UNC5C: variants seen among roughly 807,000 people sequenced by gnomAD.
The protein encoded by UNC5C is unc-5 netrin receptor C.
In UNC5C, 47 loss-of-function variants were observed where a neutral mutation model predicts 99.8. The observed-to-expected ratio is 0.47, with a 90% CI of 0.37 to 0.60. UNC5C has a LOEUF of 0.60. UNC5C is among the 20% of genes least tolerant of loss of function. The pLI is 0.00. For missense variants in UNC5C, 1,062 were observed against 1,165.9 expected, an observed-to-expected ratio of 0.91 and a Z score of 1.30; for synonymous variants, 487 against 452.2, an observed-to-expected ratio of 1.08 and a Z score of -0.98.
At position 95,208,354 on chromosome 4, in the gene UNC5C, C is replaced by T. The variant is rs372720817; in HGVS notation, c.1734-1558G>A. Among the ~76,000 whole-genome samples the T allele has an allele frequency of 1.2e-4, 19 of 152,288 alleles. No individual in the cohort carries two copies. The South Asian group carries it at 3.5e-3, about 28-fold the overall frequency. Reference sequence around the variant, plus strand: ...GAAGTTAAGAAATTTGTTAAACTAACCACTCTAAGTATTCCCAACATGAAA... The same window carrying T: ...GAAGTTAAGAAATTTGTTAAACTAATCACTCTAAGTATTCCCAACATGAAA... On this transcript the variant is annotated intron_variant, in intron 10 of 15. Transcript: ENST00000453304.
intron 3 of UNC5C, among the ~76,000 whole-genome samples, chr4:95,294,302 G>A (rs1438942649): frequency 1.3e-5 from 2 of 152,296 alleles, no homozygotes; most frequent in East Asian, 3.9e-4. Flanking sequence ...AAATCCACAG[G>A]TGGGTCACAA....
Position 95,438,743 on chromosome 4 carries a change from G to C in UNC5C, c.125-103112C>G, listed in dbSNP as rs552210827. Among the ~76,000 whole-genome samples the C allele has an allele frequency of 4.9e-4, 74 of 152,204 alleles. 2 individuals carry two copies. The highest frequency in any genetic ancestry group is 9.8e-4 in the Admixed American group (15 of 15,274). On this transcript the variant is annotated intron_variant, in intron 1 of 15. Transcript: ENST00000453304. ...TCCATTCTGCATCTGATGAATCTAA[G>C]CACACATTCTATGAAATGTACCAGA...
intron 1 of UNC5C, among the ~76,000 whole-genome samples, chr4:95,395,106 A>C (rs1745474590): frequency 6.6e-6 from 1 of 152,188 alleles, no homozygotes. Context: ...CATGGTGGGC[A>C]TGTCATTTTG....
At chr4:95,176,981 C>T (rs1191053076) in intron 14 of UNC5C, among the ~76,000 whole-genome samples, 1 of 151,738 alleles carries the variant, frequency 6.6e-6, no homozygotes, top group Non-Finnish European at 1.5e-5. Context: ...AAGCGCAGTA[C>T]TTGGGGGGGA....
intron 1 of UNC5C, among the ~76,000 whole-genome samples, chr4:95,339,488 A>G (rs1309858979): frequency 2.8e-5 from 2 of 70,952 alleles, no homozygotes; most frequent in African/African-American, 9.4e-5. Context: ...AATGAAAAAA[A>G]CAGCTTAAGG....
chr4:95,393,085 G>A (rs1745408658), intron 1 of UNC5C, among the ~76,000 whole-genome samples: 2 of 152,144 alleles, frequency 1.3e-5, no homozygotes, highest in Non-Finnish European at 2.9e-5. Context: ...TACCCTTGGG[G>A]AAAGTAGTAA....
intron 1 of UNC5C, among the ~76,000 whole-genome samples, chr4:95,372,001 A>G (rs1183562587): frequency 6.6e-6 from 1 of 152,160 alleles, no homozygotes; most frequent in Non-Finnish European, 1.5e-5. Flanking sequence ...ACTGTTTCCT[A>G]TCAATTGCCT....
At chr4:95,359,881 TG>T (rs1335533316) in intron 1 of UNC5C, among the ~76,000 whole-genome samples, 2 of 152,198 alleles carry the variant, frequency 1.3e-5, no homozygotes, top group East Asian at 3.8e-4. Context: ...ACTAAGGACT[TG>T]GATATTTTCC....
At chr4:95,467,699 G>C (rs556811391) in intron 1 of UNC5C, among the ~76,000 whole-genome samples, 3 of 152,136 alleles carry the variant, frequency 2.0e-5, no homozygotes, top group African/African-American at 7.2e-5. Flanking sequence ...CTGGGCTTAG[G>C]GGGCACCAAC....
At chr4:95,308,688 G>T (rs1286740101) in intron 2 of UNC5C, among the ~76,000 whole-genome samples, 7 of 138,706 alleles carry the variant, frequency 5.0e-5, no homozygotes, top group Non-Finnish European at 9.1e-5. Context: ...AGAGGTGGAG[G>T]TTTCAGTGAT....
chr4:95,168,382 A>G lies in UNC5C; in HGVS notation c.*852T>C, dbSNP rs959671390. 15 of 152,436 alleles carry G rather than the reference A, an allele frequency of 9.8e-5. No homozygotes were observed. The highest frequency in any genetic ancestry group is 3.6e-4 in the African/African-American group (15 of 41,590). 9.4% of individuals were successfully genotyped at this position (152,436 alleles called of 1,614,324 possible). On this transcript the variant is annotated 3_prime_UTR_variant, in exon 16 of 16. Transcript: ENST00000453304. ...ATACTAACAAACAGCACTGCTAACA[A>G]AAATAGAAATTTAAAAAAATCATTT...
intron 1 of UNC5C, among the ~76,000 whole-genome samples, chr4:95,468,780 G>C (rs977078665): frequency 6.6e-6 from 1 of 152,100 alleles, no homozygotes; most frequent in African/African-American, 2.4e-5. Context: ...GTGTTTGGGG[G>C]CAAGTTGACC....
chr4:95,446,958 C>A (rs1747124066), intron 1 of UNC5C, among the ~76,000 whole-genome samples: 1 of 152,164 alleles, frequency 6.6e-6, no homozygotes, highest in South Asian at 2.1e-4. Flanking sequence ...AGTAGACTGG[C>A]AGAATCTTAC....
chr4:95,193,708 CA>C (rs1737254603), intron 12 of UNC5C, among the ~76,000 whole-genome samples: 1 of 152,198 alleles, frequency 6.6e-6, no homozygotes, highest in Non-Finnish European at 1.5e-5. Flanking sequence ...TCCACCGAAG[CA>C]GAGGCCAAAA....
At chr4:95,297,138 C>A (rs1345400701) in intron 3 of UNC5C, among the ~76,000 whole-genome samples, 2 of 152,138 alleles carry the variant, frequency 1.3e-5, no homozygotes, top group Non-Finnish European at 2.9e-5. Flanking sequence ...TCTGAAGGGC[C>A]ATGTGAGCTT....
chr4:95,375,627 C>T (rs1744871035), intron 1 of UNC5C, among the ~76,000 whole-genome samples: 1 of 152,068 alleles, frequency 6.6e-6, no homozygotes, highest in African/African-American at 2.4e-5. Context: ...ATTAGAAGAA[C>T]AATTTTCTAA....
intron 1 of UNC5C, among the ~76,000 whole-genome samples, chr4:95,397,993 T>TTTA (rs900330732): frequency 6.6e-6 from 1 of 150,594 alleles, no homozygotes; most frequent in African/African-American, 2.5e-5. Context: ...AATTGGCATA[T>TTTA]TTATTGCACC....
chr4:95,479,136 A>T (rs1721056544), intron 1 of UNC5C, among the ~76,000 whole-genome samples: 1 of 152,048 alleles, frequency 6.6e-6, no homozygotes, highest in South Asian at 2.1e-4. Context: ...AAGCAGACTA[A>T]CACAAGCATC....
intron 7 of UNC5C, among the ~76,000 whole-genome samples, chr4:95,236,636 GA>G (rs533562684): frequency 3.3e-4 from 49 of 150,136 alleles, no homozygotes; most frequent in Middle Eastern, 6.8e-3. Flanking sequence ...TATAGAAAAA[GA>G]AAAAAAATAC....
Sources: gnomAD v4.1 joint callset for allele counts (sites outside exome capture counted in the v4.1 genomes callset) on GRCh38, gnomAD v4.1.1 for gene constraint, MANE v1.5 for transcripts, NCBI Gene and HGNC (gene_info 2026-07-23, HGNC 2026-07-21) for gene names.